PYROXD1: variants seen among roughly 807,000 people sequenced by gnomAD.
The protein encoded by PYROXD1 is pyridine nucleotide-disulphide oxidoreductase domain 1.
Under a neutral mutation model 62.0 loss-of-function variants are expected in PYROXD1, and 42 were observed. The ratio of observed to expected loss-of-function variants is 0.68; its 90% CI spans 0.53 to 0.88. The LOEUF (loss-of-function observed/expected upper bound fraction) is 0.88, where lower values mean the gene tolerates loss of function less well. Ranked by LOEUF, PYROXD1 falls within the 40% of genes least tolerant of loss-of-function variation. PYROXD1 has a pLI of 0.00. For synonymous variants in PYROXD1, 170 were observed against 206.4 expected (o/e 0.82, Z 1.51); for missense variants, 493 against 604.8 (o/e 0.82, Z 1.94).
At chr12:21,445,088 A>G (rs1419279934) in intron 2 of PYROXD1, among the ~76,000 whole-genome samples, 2 of 152,180 alleles carry the variant, frequency 1.3e-5, no homozygotes, top group East Asian at 3.8e-4. Flanking sequence ...GTTACCCCTC[A>G]TTTTACAGGT....
At chr12:21,440,497 T>G in intron 2 of PYROXD1, 49 bp downstream of exon 2, 24 of 998,010 alleles carry the variant, frequency 2.4e-5, no homozygotes, top group Non-Finnish European at 3.6e-5. Flanking sequence ...AAAATTGCAA[T>G]AACTTGCATA....
At chr12:21,463,706 A>AAAAAAG (rs1264091630) in intron 10 of PYROXD1, among the ~76,000 whole-genome samples, 1 of 151,694 alleles carries the variant, frequency 6.6e-6, no homozygotes, top group East Asian at 1.9e-4. Flanking sequence ...AAAAAAAAAA[A>AAAAAAG]AAATTCCTGT....
In PYROXD1 at chr12:21,437,719, G is replaced by T; in HGVS notation, c.-12G>T. The T allele has an allele frequency of 1.2e-6, 2 of 1,610,006 alleles. No individual in the cohort carries two copies. The highest frequency in any genetic ancestry group is 2.2e-5 in the South Asian group (2 of 89,996). ...GCCGCGATATTCAGTAAACCACTGG[G>T]AGTCCGGCAGCATGGAGGCAGCGCG... On this transcript the variant is annotated 5_prime_UTR_variant, in exon 1 of 12. Transcript: ENST00000240651.
chr12:21,453,825 C>G (rs1057280537), intron 5 of PYROXD1, among the ~76,000 whole-genome samples: 2 of 151,966 alleles, frequency 1.3e-5, no homozygotes, highest in African/African-American at 4.8e-5. Context: ...TGTAATATTA[C>G]TTTAAATTTA....
Position 21,439,950 on chromosome 12 carries a change from G to T in PYROXD1, c.85-418G>T, listed in dbSNP as rs186409891. Among the ~76,000 whole-genome samples the T allele has an allele frequency of 3.1e-3, 478 of 152,218 alleles. 4 individuals carry two copies. Among genetic ancestry groups the T allele is most frequent in the African/African-American group, 0.011 (459 of 41,522 alleles). On this transcript the variant is annotated intron_variant, in intron 1 of 11. Transcript: ENST00000240651. ...ATATTCTAAGTGTTTAATATTGAGG[G>T]TTTGCTTTAATTTCATCCCATTGAA...
At chr12:21,459,938 CT>C (rs1271764466) in intron 7 of PYROXD1, among the ~76,000 whole-genome samples, 4 of 152,130 alleles carry the variant, frequency 2.6e-5, no homozygotes, top group Non-Finnish European at 5.9e-5. Flanking sequence ...ATGCAGTAAA[CT>C]TACAAAAGTT....
chr12:21,443,985 G>A (rs1942342529), intron 2 of PYROXD1, among the ~76,000 whole-genome samples: 1 of 152,170 alleles, frequency 6.6e-6, no homozygotes, highest in Admixed American at 6.5e-5. Flanking sequence ...CATAAGAGAA[G>A]GATGTATAGC....
In PYROXD1 at chr12:21,468,676, C is replaced by A. The variant is rs1213162068; in HGVS notation, c.1425C>A (p.Ile475=). Residue 475 remains isoleucine, a synonymous_variant, in exon 12 of 12, where the codon ATC becomes ATA. Transcript: ENST00000240651. ...TDLEETFENL[I]LNQMNLSSYG... ...TAGAAGAAACATTTGAAAACCTAAT[C>A]TTAAACCAAATGAATCTTTCATCAT... The A allele has an allele frequency of 5.0e-6, 8 of 1,611,982 alleles. No individual in the cohort carries two copies. Among genetic ancestry groups the A allele is most frequent in the Non-Finnish European group, 5.1e-6 (6 of 1,178,800 alleles).
Position 21,453,587 on chromosome 12 carries a change from T to C in PYROXD1, c.488+1433T>C, listed in dbSNP as rs559342810. Among the ~76,000 whole-genome samples, 5 of 152,238 alleles carry C rather than the reference T, an allele frequency of 3.3e-5. No individual in the cohort carries two copies. The East Asian group carries it at 9.6e-4, about 29-fold the overall frequency. On this transcript the variant is annotated intron_variant, in intron 5 of 11. Coordinates refer to ENST00000240651, the MANE Select transcript of PYROXD1 (RefSeq NM_024854.5). ...ACTTCACAAAACCGTAATATCTCAT[T>C]GTCTGCTTCTGTAGAGTCATTTTCA...
chr12:21,467,269 A>G (rs1032993780), intron 10 of PYROXD1: 1 of 448,976 alleles, frequency 2.2e-6, no homozygotes, highest in South Asian at 4.8e-5. Context: ...TGTGATTGGT[A>G]TCATCTTTTA....
chr12:21,441,702 T>G (rs929499681), intron 2 of PYROXD1, among the ~76,000 whole-genome samples: 2 of 151,986 alleles, frequency 1.3e-5, no homozygotes. Flanking sequence ...TTGTAACTTC[T>G]TGAAGTTCCT....
At chr12:21,455,464 A>T (rs199919367) in intron 6 of PYROXD1, among the ~76,000 whole-genome samples, 172 bp downstream of exon 6, 1 of 37,988 alleles carries the variant, frequency 2.6e-5, no homozygotes, top group African/African-American at 1.0e-4. Flanking sequence ...TATGTATTTT[A>T]TATATATATA....
intron 5 of PYROXD1, among the ~76,000 whole-genome samples, chr12:21,452,552 A>C (rs11046065): frequency 0.49 from 74,681 of 151,482 alleles, 18,403 homozygotes; most frequent in Middle Eastern, 0.59. Context: ...AAATCCTGCT[A>C]CACTCATTTA....
chr12:21,471,056 C>G lies in PYROXD1; in HGVS notation c.*2302C>G. 6.2e-7 allele frequency: 1 copy of G among 1,601,912 alleles called. No homozygotes were observed. Among genetic ancestry groups the G allele is most frequent in the Non-Finnish European group, 8.5e-7 (1 of 1,175,278 alleles). On this transcript the variant is annotated 3_prime_UTR_variant, in exon 12 of 12. Transcript: ENST00000240651. ...GAAGATTAGCTTTAGGTCCTATTTT[C>G]AAATACGAAATGGTAGCATAAGCTG...
rs878950558 is a variant in PYROXD1 at position 21,468,854 on chromosome 12, C to T, written c.*100C>T. ...CTGTATTGAGTTAATGATGACCACACTGAAAATTACAGAAGTGATAATGAT... is the reference window on the plus strand; with the variant it reads ...CTGTATTGAGTTAATGATGACCACATTGAAAATTACAGAAGTGATAATGAT... On this transcript the variant is annotated 3_prime_UTR_variant, in exon 12 of 12. Coordinates refer to ENST00000240651, the MANE Select transcript of PYROXD1 (RefSeq NM_024854.5). 39 of 1,032,278 alleles carry T rather than the reference C, an allele frequency of 3.8e-5. 2 individuals carry two copies. The South Asian group carries it at 6.4e-4, about 17-fold the overall frequency. 63.9% of individuals were successfully genotyped at this position (1,032,278 alleles called of 1,614,324 possible).
At chr12:21,467,769 G>T (rs1475567904) in intron 11 of PYROXD1, 151 bp downstream of exon 11, 6 of 595,810 alleles carry the variant, frequency 1.0e-5, no homozygotes, top group Non-Finnish European at 1.5e-5. Flanking sequence ...CCAATACCTG[G>T]TATTATTGCT....
intron 6 of PYROXD1, among the ~76,000 whole-genome samples, chr12:21,455,506 G>A (rs1942580298): frequency 1.3e-5 from 2 of 150,284 alleles, no homozygotes; most frequent in South Asian, 4.2e-4. Context: ...AAAATAAATT[G>A]AATAACTCAG....
intron 7 of PYROXD1, among the ~76,000 whole-genome samples, chr12:21,459,007 A>G (rs1053257306): frequency 2.0e-5 from 3 of 152,228 alleles, no homozygotes; most frequent in Admixed American, 2.0e-4. Flanking sequence ...ACTATCTGCA[A>G]AACAGTAGTG....
chr12:21,444,240 A>G (rs1325697029), intron 2 of PYROXD1, among the ~76,000 whole-genome samples: 7 of 152,228 alleles, frequency 4.6e-5, no homozygotes, highest in Non-Finnish European at 7.3e-5. Flanking sequence ...ATGTGCCAAT[A>G]ACAAATATAC....
Sources: allele counts gnomAD v4.1 joint callset (sites outside exome capture counted in the v4.1 genomes callset), GRCh38; gene constraint gnomAD v4.1.1; transcripts MANE v1.5; gene names NCBI Gene and HGNC (gene_info 2026-07-23, HGNC 2026-07-21).